The following CUBN variants were observed in gnomAD, a reference collection of about 807,000 sequenced individuals.
CUBN encodes 460 kDa receptor.
In CUBN, 282 loss-of-function variants were observed where a neutral mutation model predicts 405.3. The observed-to-expected ratio is 0.70, with a 90% CI of 0.63 to 0.77. CUBN has a LOEUF of 0.77. CUBN is among the 30% of genes least tolerant of loss of function. CUBN has a pLI of 0.00. For synonymous variants in CUBN, 1,684 were observed against 1,617.0 expected (o/e 1.04, Z -0.99); for missense variants, 4,514 against 4,475.2 (o/e 1.01, Z -0.25).
At position 17,069,078 on chromosome 10, in the gene CUBN, T is replaced by C. The variant is rs12246686; in HGVS notation, c.2626-308A>G. ...CTTTTGTGATTAGCTTCTTTCACACTGTATAACATTTTCAAAGTTCATCCA... is the reference window on the plus strand; with the variant it reads ...CTTTTGTGATTAGCTTCTTTCACACCGTATAACATTTTCAAAGTTCATCCA... On this transcript the variant is annotated intron_variant, in intron 19 of 66. Transcript: ENST00000377833. Among the ~76,000 whole-genome samples the C allele has an allele frequency of 0.044, 6,735 of 152,256 alleles. 487 individuals are homozygous for C. The highest frequency in any genetic ancestry group is 0.15 in the African/African-American group (6,300 of 41,502).
At chr10:16,933,312 C>A in intron 39 of CUBN, 28 bp from the exon 40 acceptor site, 1 of 1,607,018 alleles carries the variant, frequency 6.2e-7, no homozygotes, top group Non-Finnish European at 8.5e-7. Flanking sequence ...ACATCTTTGA[C>A]ACAGCCCTAA....
intron 22 of CUBN, among the ~76,000 whole-genome samples, chr10:17,062,074 G>A (rs886774482): frequency 8.5e-5 from 13 of 152,128 alleles, no homozygotes; most frequent in African/African-American, 2.2e-4. Context: ...ACCCATGCGC[G>A]GAGATACTAC....
At position 16,824,130 on chromosome 10, in the gene CUBN, G is replaced by C. The variant is rs1838703782; in HGVS notation, c.*845C>G. ...AGTGGTTAATTCACAGGGTTTCACT[G>C]CAGCCTTAACCTACTGGGCTCAAGT... On this transcript the variant is annotated 3_prime_UTR_variant, in exon 67 of 67. Coordinates refer to ENST00000377833, the MANE Select transcript of CUBN (RefSeq NM_001081.4). The C allele has an allele frequency of 6.6e-6, 1 of 152,000 alleles. No individual in the cohort carries two copies. The highest frequency in any genetic ancestry group is 2.1e-4 in the South Asian group (1 of 4,826). 9.4% of individuals were successfully genotyped at this position (152,000 alleles called of 1,614,324 possible).
intron 14 of CUBN, among the ~76,000 whole-genome samples, chr10:17,091,913 A>T (rs5018267): frequency 2.0e-5 from 3 of 152,018 alleles, no homozygotes; most frequent in Non-Finnish European, 4.4e-5. Context: ...ACAATGGGCC[A>T]CTCTGCCTAT....
chr10:17,099,951 A>C, intron 14 of CUBN, 54 bp downstream of exon 14: 1 of 1,205,712 alleles, frequency 8.3e-7, no homozygotes, highest in Non-Finnish European at 1.2e-6. Flanking sequence ...ACTGATTAAG[A>C]ACACTTAATA....
intron 28 of CUBN, among the ~76,000 whole-genome samples, chr10:16,991,718 G>A (rs998391810): frequency 4.7e-5 from 7 of 148,712 alleles, no homozygotes; most frequent in Admixed American, 1.4e-4. Context: ...TTTTATGTGC[G>A]ATCATCAAAA....
chr10:17,123,317 A>G, intron 5 of CUBN: 1 of 525,096 alleles, frequency 1.9e-6, no homozygotes. Flanking sequence ...AATGCTGAAC[A>G]ATTTAAATTA....
At chr10:17,115,243 CAAAAA>C (rs71377018) in intron 7 of CUBN, among the ~76,000 whole-genome samples, 13 of 122,270 alleles carry the variant, frequency 1.1e-4, no homozygotes, top group Admixed American at 2.5e-4. Context: ...GGCTCCATCT[CAAAAA>C]AAAAAAAAAA....
chr10:17,084,099 A>G (rs1176014951), intron 17 of CUBN, among the ~76,000 whole-genome samples, 172 bp downstream of exon 17: 1 of 152,172 alleles, frequency 6.6e-6, no homozygotes, highest in Non-Finnish European at 1.5e-5. Context: ...ACATCCTATC[A>G]GCCTTATTTG....
At chr10:16,990,811 T>A (rs1833562538) in intron 28 of CUBN, among the ~76,000 whole-genome samples, 1 of 152,228 alleles carries the variant, frequency 6.6e-6, no homozygotes, top group African/African-American at 2.4e-5. Context: ...AAAGTCATTC[T>A]AATTTTAGAT....
chr10:16,972,260 T>C (rs995511137), intron 31 of CUBN, among the ~76,000 whole-genome samples: 1 of 152,088 alleles, frequency 6.6e-6, no homozygotes, highest in Non-Finnish European at 1.5e-5. Flanking sequence ...TCATACCTAC[T>C]CCCACAACTT....
intron 11 of CUBN, among the ~76,000 whole-genome samples, chr10:17,105,185 T>C (rs1416522103): frequency 6.6e-6 from 1 of 152,222 alleles, no homozygotes; most frequent in Non-Finnish European, 1.5e-5. Flanking sequence ...TTAATAGGTT[T>C]AAATGGTAAT....
At chr10:17,005,581 G>C (rs1046027503) in intron 28 of CUBN, among the ~76,000 whole-genome samples, 3 of 152,132 alleles carry the variant, frequency 2.0e-5, no homozygotes, top group African/African-American at 4.8e-5. Flanking sequence ...ATCAATTCTT[G>C]CCCATTCTTT....
In CUBN at chr10:16,900,866, G is replaced by A; in HGVS notation, c.8185-16C>T. ...TAAATGTGAGCTGCAGGAGAAAAAA[G>A]AAAATGGTTGTCAGTGAGCTTTTAT... On this transcript the variant is annotated splice_polypyrimidine_tract_variant and intron_variant, in intron 52 of 66. Transcript: ENST00000377833. 1 of 1,561,702 alleles carries A rather than the reference G, an allele frequency of 6.4e-7. No individual in the cohort carries two copies. Among genetic ancestry groups the A allele is most frequent in the African/African-American group, 1.4e-5 (1 of 74,026 alleles).
chr10:16,862,170 A>T (rs913247085), intron 59 of CUBN, among the ~76,000 whole-genome samples: 4 of 150,416 alleles, frequency 2.7e-5, no homozygotes, highest in African/African-American at 9.8e-5. Context: ...TCACACACAC[A>T]CACACACACA....
intron 51 of CUBN, among the ~76,000 whole-genome samples, chr10:16,902,835 T>C (rs1045780691): frequency 1.3e-5 from 2 of 152,066 alleles, no homozygotes; most frequent in Non-Finnish European, 2.9e-5. Context: ...CTCTGAGGTT[T>C]TGATGACTGG....
At chr10:16,989,377 ATTAT>A (rs555610543) in intron 29 of CUBN, among the ~76,000 whole-genome samples, 1,723 of 148,238 alleles carry the variant, frequency 0.012, 16 homozygotes, top group Non-Finnish European at 0.016. Flanking sequence ...AATTATTGTA[ATTAT>A]TAATTATTAT....
At chr10:17,064,445 G>A (rs1835567528) in intron 22 of CUBN, among the ~76,000 whole-genome samples, 1 of 152,158 alleles carries the variant, frequency 6.6e-6, no homozygotes, top group Admixed American at 6.5e-5. Context: ...GTGTCACAGG[G>A]TGCATGTCCC....
chr10:16,824,970 C>T lies in CUBN; in HGVS notation c.*5G>A. 1 of 1,606,674 alleles carries T rather than the reference C, an allele frequency of 6.2e-7. No homozygotes were observed. The highest frequency in any genetic ancestry group is 1.3e-5 in the African/African-American group (1 of 74,856). On this transcript the variant is annotated 3_prime_UTR_variant, in exon 67 of 67. Transcript: ENST00000377833. Reference sequence around the variant, plus strand: ...AGTGCTGAGTGAACACGAGTTGTTACCCACTTAGCTGTCCCAAGTTAATCG... The same window carrying T: ...AGTGCTGAGTGAACACGAGTTGTTATCCACTTAGCTGTCCCAAGTTAATCG...
Sources: gnomAD v4.1 joint callset for allele counts (sites outside exome capture counted in the v4.1 genomes callset) on GRCh38, gnomAD v4.1.1 for gene constraint, MANE v1.5 for transcripts, NCBI Gene and HGNC (gene_info 2026-07-23, HGNC 2026-07-21) for gene names.